PREX1: variants seen among roughly 807,000 people sequenced by gnomAD.
The protein encoded by PREX1 is phosphatidylinositol-3,4,5-trisphosphate dependent Rac exchange factor 1.
PREX1 carries 41 observed loss-of-function variants against 198.3 expected under a neutral mutation model. That is an observed-to-expected ratio of 0.21 (90% CI 0.16 to 0.27). The LOEUF (loss-of-function observed/expected upper bound fraction) is 0.27, where lower values mean the gene tolerates loss of function less well. Among genes scored for constraint, PREX1 ranks in the 10% least tolerant of loss-of-function variants. The pLI, the probability that PREX1 is intolerant of heterozygous loss-of-function variation, is 1.00. For synonymous variants in PREX1, 843 were observed against 887.2 expected (o/e 0.95, Z 0.89); for missense variants, 1,620 against 2,200.7 (o/e 0.74, Z 5.28).
intron 1 of PREX1, among the ~76,000 whole-genome samples, chr20:48,774,398 C>A (rs148844079): frequency 6.6e-6 from 1 of 152,192 alleles, no homozygotes; most frequent in Non-Finnish European, 1.5e-5. Context: ...CTCATCACTT[C>A]ACCTCCCACT....
chr20:48,724,176 C>G (rs2089999679), intron 5 of PREX1, among the ~76,000 whole-genome samples: 1 of 152,166 alleles, frequency 6.6e-6, no homozygotes, highest in African/African-American at 2.4e-5. Flanking sequence ...AGGGGTGGTC[C>G]TCTGGAATCA....
intron 1 of PREX1, among the ~76,000 whole-genome samples, chr20:48,750,705 C>T (rs1037834920): frequency 2.0e-5 from 3 of 152,202 alleles, no homozygotes; most frequent in African/African-American, 7.2e-5. Flanking sequence ...AAACTCCTAT[C>T]TTCCCATCTT....
chr20:48,813,832 A>AC, intron 1 of PREX1, among the ~76,000 whole-genome samples: 1 of 152,240 alleles, frequency 6.6e-6, no homozygotes, highest in Non-Finnish European at 1.5e-5. Context: ...TATACACACA[A>AC]AATATCATTT....
Position 48,649,333 on chromosome 20 carries a change from T to C in PREX1, c.3272A>G (p.Lys1091Arg). 1 of 1,614,090 alleles carries C rather than the reference T, an allele frequency of 6.2e-7. No homozygotes were observed. The highest frequency in any genetic ancestry group is 8.5e-7 in the Non-Finnish European group (1 of 1,180,000). Residue 1091 changes from lysine to arginine, a missense_variant, in exon 25 of 40, where the codon AAG (lysine) becomes AGG (arginine). Transcript: ENST00000371941. ...QLFTKLDVAL[K>R]EMKQYVTQIN... Reference sequence around the variant, plus strand: ...CTGGGTGACATATTGCTTCATCTCCTTCAGGGCCACATCCAGCTTGGTGAA... The same window carrying C: ...CTGGGTGACATATTGCTTCATCTCCCTCAGGGCCACATCCAGCTTGGTGAA...
intron 1 of PREX1, among the ~76,000 whole-genome samples, chr20:48,756,853 T>C (rs2090157674): frequency 1.3e-5 from 2 of 152,204 alleles, no homozygotes; most frequent in African/African-American, 4.8e-5. Flanking sequence ...CAGTTCCACA[T>C]GGCTGAGGAG....
the PREX1 span, among the ~76,000 whole-genome samples, chr20:48,857,998 G>GGAGCA: frequency 2.0e-5 from 3 of 152,256 alleles, no homozygotes; most frequent in Non-Finnish European, 2.9e-5. Context: ...CAGTGGGGCT[G>GGAGCA]GAGCAGAGCA....
intron 1 of PREX1, among the ~76,000 whole-genome samples, chr20:48,802,590 A>G (rs2090392592): frequency 6.6e-6 from 1 of 152,144 alleles, no homozygotes; most frequent in Admixed American, 6.5e-5. Flanking sequence ...TACTGTCTGC[A>G]TAGCACTTGT....
chr20:48,882,076 G>A, the PREX1 span, among the ~76,000 whole-genome samples: 1 of 152,122 alleles, frequency 6.6e-6, no homozygotes, highest in African/African-American at 2.4e-5. Flanking sequence ...GCTACAGCAT[G>A]TATCAGTTCT....
intron 2 of PREX1, among the ~76,000 whole-genome samples, chr20:48,746,838 A>G (rs1362257975): frequency 6.6e-6 from 1 of 152,162 alleles, no homozygotes; most frequent in Admixed American, 6.5e-5. Flanking sequence ...TATAACAAAC[A>G]GTGTAATAAA....
At chr20:48,718,637 A>C (rs961449623) in intron 5 of PREX1, among the ~76,000 whole-genome samples, 1 of 152,226 alleles carries the variant, frequency 6.6e-6, no homozygotes, top group Non-Finnish European at 1.5e-5. Context: ...GAGTTAACAA[A>C]AAAAGCACCT....
At chr20:48,806,286 C>T (rs2090411496) in intron 1 of PREX1, among the ~76,000 whole-genome samples, 1 of 152,126 alleles carries the variant, frequency 6.6e-6, no homozygotes, top group Non-Finnish European at 1.5e-5. Context: ...AAATCTAGGG[C>T]CTGGATTTGA....
chr20:48,748,892 A>T (rs2090121578), intron 1 of PREX1, among the ~76,000 whole-genome samples: 1 of 152,160 alleles, frequency 6.6e-6, no homozygotes, highest in Non-Finnish European at 1.5e-5. Flanking sequence ...CCAGTTTTGA[A>T]GTGTTGGTGA....
chr20:48,729,491 G>A (rs1278227373), intron 4 of PREX1, among the ~76,000 whole-genome samples: 4 of 152,062 alleles, frequency 2.6e-5, no homozygotes. Flanking sequence ...CCACCTGGAT[G>A]TACTGCAGGT....
At chr20:48,696,475 C>T (rs903898865) in intron 7 of PREX1, among the ~76,000 whole-genome samples, 3 of 152,186 alleles carry the variant, frequency 2.0e-5, no homozygotes, top group East Asian at 1.9e-4. Flanking sequence ...TTAATTACTA[C>T]GACCTTACAG....
chr20:48,733,301 C>T (rs1296664564), intron 4 of PREX1, among the ~76,000 whole-genome samples: 1 of 152,232 alleles, frequency 6.6e-6, no homozygotes, highest in Non-Finnish European at 1.5e-5. Context: ...CCACTCTACC[C>T]TTAGGCTCTA....
intron 1 of PREX1, among the ~76,000 whole-genome samples, chr20:48,772,077 C>T (rs2090238609): frequency 1.3e-5 from 2 of 152,034 alleles, no homozygotes; most frequent in African/African-American, 4.8e-5. Context: ...ACCTGTAGTC[C>T]CAGCTACTCA....
intron 15 of PREX1, among the ~76,000 whole-genome samples, chr20:48,664,622 T>C (rs1339243667): frequency 6.6e-6 from 1 of 152,196 alleles, no homozygotes; most frequent in African/African-American, 2.4e-5. Flanking sequence ...ACCTGTCCTG[T>C]TGAAAGGACA....
chr20:48,658,372 G>A lies in PREX1; in HGVS notation c.1882-144C>T, dbSNP rs189744793. 3.0e-5 allele frequency: 22 copies of A among 733,026 alleles called. No homozygotes were observed. In the African/African-American group the frequency reaches 3.2e-4, roughly 11 times the overall value. 45.4% of individuals were successfully genotyped at this position (733,026 alleles called of 1,614,324 possible). A position where few individuals can be genotyped will look rare whatever the true frequency, so the allele number is the denominator to read the frequency against. On this transcript the variant is annotated intron_variant, in intron 16 of 39. Coordinates refer to ENST00000371941, the MANE Select transcript of PREX1 (RefSeq NM_020820.4). ...CCAGGTGGGCGAGACAGAGCAAAAC[G>A]CAAACAGCACCTGGCAGAGCCAGTG...
chr20:48,643,384 G>A (rs1040557203), intron 27 of PREX1, among the ~76,000 whole-genome samples: 3 of 151,924 alleles, frequency 2.0e-5, no homozygotes, highest in East Asian at 1.9e-4. Context: ...CAGGAAAATC[G>A]CTTGAACCCG....
Sources: gnomAD v4.1 joint callset for allele counts (sites outside exome capture counted in the v4.1 genomes callset) on GRCh38, gnomAD v4.1.1 for gene constraint, MANE v1.5 for transcripts, NCBI Gene and HGNC (gene_info 2026-07-23, HGNC 2026-07-21) for gene names.